The following PKP4 variants were observed in gnomAD, a reference collection of about 807,000 sequenced individuals.
The protein encoded by PKP4 is plakophilin 4, also known as plakophilin-4.
Under a neutral mutation model 145.1 loss-of-function variants are expected in PKP4, and 90 were observed. The observed-to-expected ratio is 0.62, with a 90% CI of 0.52 to 0.74. The LOEUF is 0.74. PKP4 is among the 30% of genes least tolerant of loss of function. PKP4 has a pLI of 0.00. For synonymous variants in PKP4, 563 were observed against 577.2 expected (o/e 0.98, Z 0.35); for missense variants, 1,340 against 1,482.7 (o/e 0.90, Z 1.58).
In PKP4 at chr2:158,614,680, A is replaced by G. The variant is rs542119522; in HGVS notation, c.281-6310A>G. On this transcript the variant is annotated intron_variant, in intron 4 of 21. Coordinates refer to ENST00000389759, the MANE Select transcript of PKP4 (RefSeq NM_003628.6). The stretch of plus-strand genomic sequence containing the variant: ...TTCCAAAGCCACTTATGCATGATAT[A>G]TGAACAGATTCCCAAAAGCACATTA... 6.6e-5 allele frequency among the ~76,000 whole-genome samples: 10 copies of G among 152,348 alleles called. No individual in the cohort carries two copies. The South Asian group carries it at 2.1e-3, about 32-fold the overall frequency.
At chr2:158,570,042 G>C (rs953177809) in intron 2 of PKP4, among the ~76,000 whole-genome samples, 2 of 152,164 alleles carry the variant, frequency 1.3e-5, no homozygotes, top group Non-Finnish European at 2.9e-5. Context: ...CATATGCCCA[G>C]CATTTCTATA....
chr2:158,679,023 A>T, intron 21 of PKP4: 1 of 244,480 alleles, frequency 4.1e-6, no homozygotes, highest in South Asian at 6.9e-5. Flanking sequence ...CCCTCATCAC[A>T]TTGTTCTCTT....
At chr2:158,675,333 A>G (rs1325140858) in intron 19 of PKP4, among the ~76,000 whole-genome samples, 1 of 142,562 alleles carries the variant, frequency 7.0e-6, no homozygotes, top group Non-Finnish European at 1.5e-5. Flanking sequence ...TTTTTTTTTT[A>G]GTTCCTCAGT....
rs776542855 is a variant in PKP4 at position 158,640,658 on chromosome 2, G to A, written c.1594G>A (p.Glu532Lys). ...TGCCTGGCGTGATCCTGAGTTGCCT[G>A]AGGTCATTCACATGCTTCAGCACCA... ...EFAWRDPELP[E>K]VIHMLQHQFP... is the part of the protein sequence containing the mutation. The change falls in exon 10 of 22, where the codon GAG (glutamate) becomes AAG (lysine). Residue 532 changes from glutamate (E) to lysine (K), a missense_variant. Coordinates refer to ENST00000389759, the MANE Select transcript of PKP4 (RefSeq NM_003628.6). 4 of 1,613,816 alleles carry A rather than the reference G, an allele frequency of 2.5e-6. No homozygotes were observed. The South Asian group carries it at 4.4e-5, about 18-fold the overall frequency.
intron 1 of PKP4, among the ~76,000 whole-genome samples, chr2:158,462,950 G>T (rs1219188030): frequency 6.6e-6 from 1 of 152,172 alleles, no homozygotes; most frequent in Non-Finnish European, 1.5e-5. Flanking sequence ...TTACATTGTG[G>T]TGCTTTTATG....
chr2:158,494,717 C>T (rs555958452), intron 1 of PKP4, among the ~76,000 whole-genome samples: 1 of 152,208 alleles, frequency 6.6e-6, no homozygotes, highest in African/African-American at 2.4e-5. Flanking sequence ...TTTTTTATAA[C>T]CAAATAGAGA....
At position 158,666,545 on chromosome 2, in the gene PKP4, C is replaced by T. The variant is rs773824917; in HGVS notation, c.2710C>T (p.Arg904Cys). ...TALRNMALDV[R>C]NKELIGKYAM... ...CTTGAGGAATATGGCACTAGATGTT[C>T]GCAACAAGGAGCTCATAGGTATGTT... Residue 904 changes from arginine to cysteine, a missense_variant, in exon 16 of 22, where the codon CGC becomes TGC. By Grantham distance (180) the Arg-to-Cys change is radical (BLOSUM62 -3). Transcript: ENST00000389759. The T allele has an allele frequency of 5.6e-6, 9 of 1,611,268 alleles. No homozygotes were observed. The Admixed American group carries it at 8.4e-5, about 15-fold the overall frequency.
chr2:158,670,597 C>T (rs1177139098), intron 17 of PKP4, among the ~76,000 whole-genome samples: 1 of 152,204 alleles, frequency 6.6e-6, no homozygotes, highest in Non-Finnish European at 1.5e-5. Flanking sequence ...ATCTAGGGGG[C>T]ACCATTTCCC....
chr2:158,560,686 T>G (rs1441517354), intron 2 of PKP4, among the ~76,000 whole-genome samples: 1 of 152,210 alleles, frequency 6.6e-6, no homozygotes, highest in Non-Finnish European at 1.5e-5. Flanking sequence ...AATAAAAATT[T>G]ATATTTTACT....
chr2:158,633,987 T>G, intron 8 of PKP4, 83 bp from the exon 9 acceptor site: 1 of 777,816 alleles, frequency 1.3e-6, no homozygotes, highest in Non-Finnish European at 2.1e-6. Context: ...ATATAGTCCT[T>G]AAAATTAAAA....
chr2:158,550,996 T>G (rs1273314764), intron 2 of PKP4, among the ~76,000 whole-genome samples: 1 of 152,230 alleles, frequency 6.6e-6, no homozygotes, highest in Non-Finnish European at 1.5e-5. Context: ...TATGTGACCA[T>G]ATATTCAAAT....
At chr2:158,655,007 CT>C (rs200776557) in intron 11 of PKP4, among the ~76,000 whole-genome samples, 36 of 152,104 alleles carry the variant, frequency 2.4e-4, no homozygotes, top group African/African-American at 8.7e-4. Flanking sequence ...AAATGTTCAT[CT>C]TTTTTTAAAA....
chr2:158,481,351 C>T (rs1035685381), intron 1 of PKP4, among the ~76,000 whole-genome samples: 1 of 152,152 alleles, frequency 6.6e-6, no homozygotes, highest in Admixed American at 6.5e-5. Flanking sequence ...ATACTATAAA[C>T]ATTTGTGTAC....
chr2:158,649,154 A>T (rs577464622), intron 11 of PKP4, among the ~76,000 whole-genome samples: 4 of 152,286 alleles, frequency 2.6e-5, no homozygotes, highest in African/African-American at 9.6e-5. Flanking sequence ...ATTGGTAGAG[A>T]ACTTTGAACT....
At chr2:158,613,929 T>G (rs2051357311) in intron 4 of PKP4, among the ~76,000 whole-genome samples, 1 of 152,190 alleles carries the variant, frequency 6.6e-6, no homozygotes, top group Non-Finnish European at 1.5e-5. Context: ...TGCAGTTTCC[T>G]CAGTTCATCA....
chr2:158,557,073 A>T (rs955950154), intron 2 of PKP4, among the ~76,000 whole-genome samples: 3 of 152,104 alleles, frequency 2.0e-5, no homozygotes, highest in Non-Finnish European at 4.4e-5. Context: ...GACATTCATG[A>T]TCTACACCTC....
In PKP4 at chr2:158,642,676, C is replaced by G. The variant is rs748407702; in HGVS notation, c.1886C>G (p.Ala629Gly). Residue 629 changes from alanine (A) to glycine (G), a missense_variant, in exon 11 of 22, where the codon GCA becomes GGA. Coordinates refer to ENST00000389759, the MANE Select transcript of PKP4 (RefSeq NM_003628.6). Reference protein sequence around the residue: ...LLRLLRKSIDAEVRELVTGVL... With the variant: ...LLRLLRKSIDGEVRELVTGVL... ...CGACTGTTGAGAAAATCTATTGATG[C>G]AGAAGTAAGGGAGCTTGTTACAGGT... The G allele has an allele frequency of 9.3e-6, 15 of 1,607,240 alleles. No homozygotes were observed. The Admixed American group carries it at 2.0e-4, about 22-fold the overall frequency.
At chr2:158,476,801 C>T (rs1452001648) in intron 1 of PKP4, among the ~76,000 whole-genome samples, 1 of 151,710 alleles carries the variant, frequency 6.6e-6, no homozygotes, top group Non-Finnish European at 1.5e-5. Context: ...AAGTAAAACC[C>T]GAGTATAGTT....
chr2:158,603,224 C>T (rs894664491), intron 4 of PKP4, 120 bp downstream of exon 4: 19 of 519,434 alleles, frequency 3.7e-5, no homozygotes, highest in Admixed American at 6.9e-5. Context: ...GACAATATTG[C>T]GCTACATTGC....
Sources: allele counts gnomAD v4.1 joint callset (sites outside exome capture counted in the v4.1 genomes callset), GRCh38; gene constraint gnomAD v4.1.1; transcripts MANE v1.5; gene names NCBI Gene and HGNC (gene_info 2026-07-23, HGNC 2026-07-21).